NEGR1: variants seen among roughly 807,000 people sequenced by gnomAD.
The protein encoded by NEGR1 is IgLON family member 4.
Under a neutral mutation model 40.9 loss-of-function variants are expected in NEGR1, and 10 were observed. The ratio of observed to expected loss-of-function variants is 0.24; its 90% CI spans 0.15 to 0.42. The LOEUF (loss-of-function observed/expected upper bound fraction) is 0.42. Ranked by LOEUF, NEGR1 falls within the 10% of genes least tolerant of loss-of-function variation. The pLI is 1.00. For missense variants in NEGR1, 352 were observed against 438.9 expected, an observed-to-expected ratio of 0.80 and a Z score of 1.77; for synonymous variants, 185 against 166.8, an observed-to-expected ratio of 1.11 and a Z score of -0.84.
chr1:71,592,777 G>T, intron 6 of NEGR1, 40 bp downstream of exon 6: 1 of 1,541,724 alleles, frequency 6.5e-7, no homozygotes, highest in Non-Finnish European at 8.9e-7. Flanking sequence ...TAGGGGCCCA[G>T]AGGCCCCTGG....
At chr1:72,119,188 T>A (rs1649699610) in intron 1 of NEGR1, among the ~76,000 whole-genome samples, 1 of 151,974 alleles carries the variant, frequency 6.6e-6, no homozygotes, top group Non-Finnish European at 1.5e-5. Flanking sequence ...GTTTGCAGTT[T>A]GACAATGTTT....
At chr1:71,765,038 G>T (rs955406320) in intron 3 of NEGR1, among the ~76,000 whole-genome samples, 5 of 151,896 alleles carry the variant, frequency 3.3e-5, no homozygotes, top group African/African-American at 1.2e-4. Flanking sequence ...CAAAAAAAGG[G>T]CATGGTCACC....
chr1:71,545,569 C>A (rs1469790848), intron 6 of NEGR1, among the ~76,000 whole-genome samples: 1 of 151,674 alleles, frequency 6.6e-6, no homozygotes, highest in Non-Finnish European at 1.5e-5. Flanking sequence ...TTTCTGTCCC[C>A]TTCTTGAGAC....
chr1:72,221,183 T>A (rs753931508), intron 1 of NEGR1, among the ~76,000 whole-genome samples: 2 of 152,144 alleles, frequency 1.3e-5, no homozygotes, highest in African/African-American at 4.8e-5. Flanking sequence ...CATATGGCCT[T>A]CTTTCCTCTA....
At chr1:71,681,810 T>A (rs1652847221) in intron 4 of NEGR1, among the ~76,000 whole-genome samples, 1 of 152,148 alleles carries the variant, frequency 6.6e-6, no homozygotes, top group Non-Finnish European at 1.5e-5. Flanking sequence ...TTCTGTCTCT[T>A]GGTTTCTCTG....
intron 2 of NEGR1, among the ~76,000 whole-genome samples, chr1:71,834,074 C>A (rs1441264893): frequency 6.6e-6 from 1 of 152,090 alleles, no homozygotes; most frequent in Non-Finnish European, 1.5e-5. Flanking sequence ...TTTTGGCCTA[C>A]CTTTTCACAA....
intron 6 of NEGR1, among the ~76,000 whole-genome samples, chr1:71,524,743 T>C (rs1211747548): frequency 6.6e-6 from 1 of 151,666 alleles, no homozygotes; most frequent in Admixed American, 6.6e-5. Context: ...TTAAAATAGG[T>C]AGATTATCCT....
intron 1 of NEGR1, among the ~76,000 whole-genome samples, chr1:72,174,800 C>T (rs141242132): frequency 0.015 from 2,219 of 152,032 alleles, 49 homozygotes; most frequent in African/African-American, 0.05. Flanking sequence ...GCCTCTATAA[C>T]ATTGTATTAT....
intron 1 of NEGR1, chr1:72,274,444 T>G: frequency 1.8e-6 from 1 of 551,202 alleles, no homozygotes; most frequent in Non-Finnish European, 3.3e-6. Context: ...CACACAACTG[T>G]ATGGATCCAG....
chr1:71,814,632 A>C (rs188589721), intron 2 of NEGR1, among the ~76,000 whole-genome samples: 1 of 152,082 alleles, frequency 6.6e-6, no homozygotes, highest in Non-Finnish European at 1.5e-5. Context: ...TTTCTGGTTC[A>C]GCCTTGGGAG....
chr1:72,061,122 C>T (rs1488603588), intron 1 of NEGR1, among the ~76,000 whole-genome samples: 1 of 151,398 alleles, frequency 6.6e-6, no homozygotes, highest in East Asian at 1.9e-4. Flanking sequence ...TGTTTAATAC[C>T]TAGAGACAGA....
chr1:71,523,522 T>C (rs1438516566), intron 6 of NEGR1, among the ~76,000 whole-genome samples: 1 of 151,926 alleles, frequency 6.6e-6, no homozygotes, highest in South Asian at 2.1e-4. Context: ...CAGCCTTGTC[T>C]ATTTGCACTT....
chr1:71,605,495 T>C (rs1650050167), intron 5 of NEGR1, among the ~76,000 whole-genome samples: 1 of 152,218 alleles, frequency 6.6e-6, no homozygotes, highest in Non-Finnish European at 1.5e-5. Context: ...GTTTTTGTAA[T>C]ACCTATTGAA....
intron 1 of NEGR1, among the ~76,000 whole-genome samples, chr1:71,955,385 C>T (rs1333078888): frequency 6.6e-6 from 1 of 151,998 alleles, no homozygotes; most frequent in Non-Finnish European, 1.5e-5. Flanking sequence ...TTAATATTGT[C>T]CCTTTCCTAC....
At chr1:71,853,796 G>A (rs1659682720) in intron 2 of NEGR1, among the ~76,000 whole-genome samples, 2 of 152,094 alleles carry the variant, frequency 1.3e-5, no homozygotes, top group African/African-American at 2.4e-5. Context: ...ATTTTCAAAA[G>A]TTGTGCTGTT....
chr1:71,652,639 G>A (rs1334686963), intron 4 of NEGR1, among the ~76,000 whole-genome samples: 1 of 152,166 alleles, frequency 6.6e-6, no homozygotes. Context: ...ACTGAGGCCG[G>A]TGGATCGCTT....
chr1:71,966,744 G>A (rs894122098), intron 1 of NEGR1, among the ~76,000 whole-genome samples: 2 of 152,122 alleles, frequency 1.3e-5, no homozygotes, highest in Non-Finnish European at 2.9e-5. Flanking sequence ...CAGCAGGCAA[G>A]TCAAAATTCC....
intron 6 of NEGR1, among the ~76,000 whole-genome samples, chr1:71,591,897 G>T (rs1570076169): frequency 6.6e-6 from 1 of 151,966 alleles, no homozygotes; most frequent in Admixed American, 6.6e-5. Context: ...TGATATTTAT[G>T]ATGAACTATA....
chr1:71,687,334 C>A lies in NEGR1; in HGVS notation c.667+10674G>T, dbSNP rs924667196. On this transcript the variant is annotated intron_variant, in intron 4 of 6. Transcript: ENST00000357731. ...AAACATGGAACACACCCACAGTGCC[C>A]TAAATAAAATTTTGTTATCTTTCAT... Among the ~76,000 whole-genome samples the A allele has an allele frequency of 2.0e-5, 3 of 152,112 alleles. No individual in the cohort carries two copies. The East Asian group carries it at 5.8e-4, about 29-fold the overall frequency.
Sources: gnomAD v4.1 joint callset for allele counts (sites outside exome capture counted in the v4.1 genomes callset) on GRCh38, gnomAD v4.1.1 for gene constraint, MANE v1.5 for transcripts, NCBI Gene and HGNC (gene_info 2026-07-23, HGNC 2026-07-21) for gene names.